PHF14: variants seen among roughly 807,000 people sequenced by gnomAD.
The protein encoded by PHF14 is PHD finger protein 14.
Under a neutral mutation model 117.9 loss-of-function variants are expected in PHF14, and 55 were observed. That is an observed-to-expected ratio of 0.47 (90% CI 0.38 to 0.58). PHF14 has a LOEUF of 0.58. Ranked by LOEUF, PHF14 falls within the 20% of genes least tolerant of loss-of-function variation. PHF14 has a pLI of 0.00. For missense variants in PHF14, 978 were observed against 1,122.2 expected (o/e 0.87, Z 1.84); for synonymous variants, 409 against 368.6 (o/e 1.11, Z -1.26).
At chr7:11,060,971 T>A (rs1016927334) in intron 14 of PHF14, among the ~76,000 whole-genome samples, 3 of 152,172 alleles carry the variant, frequency 2.0e-5, no homozygotes, top group Non-Finnish European at 4.4e-5. Context: ...AATGTAATTC[T>A]GTTTAGAATT....
rs942086810 is a variant in PHF14, at chr7:11,090,587, G to A, written c.2655-20763G>A. On this transcript the variant is annotated intron_variant, in intron 16 of 17. Coordinates refer to ENST00000634607, the MANE Select transcript of PHF14 (RefSeq NM_001007157.2). ...GAGTTTCATGTAGAGCATTGAGCAC[G>A]TTGACTGAAGATTTGACTTTTTCCA... Among the ~76,000 whole-genome samples the A allele has an allele frequency of 6.3e-4, 96 of 152,148 alleles. 1 individual carries two copies. Among genetic ancestry groups the A allele is most frequent in the Admixed American group, 6.2e-3 (94 of 15,280 alleles).
chr7:11,077,597 C>CT (rs1448216452), intron 16 of PHF14, among the ~76,000 whole-genome samples: 3 of 64,848 alleles, frequency 4.6e-5, no homozygotes, highest in Non-Finnish European at 7.2e-5. Context: ...GAGACTCTGT[C>CT]TTAAAAAAAA....
intron 5 of PHF14, among the ~76,000 whole-genome samples, chr7:11,019,114 C>T (rs1783635470): frequency 1.3e-5 from 2 of 151,996 alleles, no homozygotes; most frequent in South Asian, 2.1e-4. Context: ...ATCTTTCTAA[C>T]GTATTGTTAA....
Position 10,974,730 on chromosome 7 carries a change from C to G in PHF14, c.2-105C>G, listed in dbSNP as rs534439983. On this transcript the variant is annotated intron_variant, in intron 1 of 17. Coordinates refer to ENST00000634607, the MANE Select transcript of PHF14 (RefSeq NM_001007157.2). ...CCCTTTTGCTGAGAACTCAGTTAGA[C>G]AAAAATTCCTTGTGCGAGGTCATCT... 4 of 666,430 alleles carry G rather than the reference C, an allele frequency of 6.0e-6. No homozygotes were observed. The Admixed American group carries it at 1.2e-4, about 20-fold the overall frequency. The allele number at this position is 666,430 out of a possible 1,614,324, so 41.3% of individuals were successfully genotyped here. A position where few individuals can be genotyped will look rare whatever the true frequency, so the allele number is the denominator to read the frequency against.
In PHF14 at chr7:10,983,006, C is replaced by G. The variant is rs752099791; in HGVS notation, c.747C>G (p.Asp249Glu). The G allele has an allele frequency of 3.8e-6, 6 of 1,582,446 alleles. No homozygotes were observed. Among genetic ancestry groups the G allele is most frequent in the Non-Finnish European group, 5.1e-6 (6 of 1,166,240 alleles). ...DEDEGSGSDE[D>E]ENDEGNDEDH... ...ATGAGGGAAGCGGGAGTGATGAAGA[C>G]GAGAATGATGAAGGCAATGATGAAG... The change falls in exon 3 of 18, where the codon GAC (aspartate) becomes GAG (glutamate). Residue 249 changes from aspartate to glutamate, a missense_variant. This residue lies in a region of PHF14 where 414 missense variants were observed against 376.4 expected (regional missense o/e 1.10). Coordinates refer to ENST00000634607, the MANE Select transcript of PHF14 (RefSeq NM_001007157.2).
intron 16 of PHF14, among the ~76,000 whole-genome samples, chr7:11,088,403 A>ACAC (rs1562460110): frequency 1.5e-4 from 23 of 150,976 alleles, no homozygotes; most frequent in African/African-American, 4.6e-4. Flanking sequence ...CATACACACA[A>ACAC]ACACACACAC....
Position 11,047,540 on chromosome 7 carries a change from A to G in PHF14, c.2313-4072A>G, listed in dbSNP as rs992029811. ...GCCAGACGCAGTGGCTCATGTCTGTAATCCCAGCACTTTGGGAGGCTGAGG... is the reference window on the plus strand; with the variant it reads ...GCCAGACGCAGTGGCTCATGTCTGTGATCCCAGCACTTTGGGAGGCTGAGG... On this transcript the variant is annotated intron_variant, in intron 13 of 17. Transcript: ENST00000634607. 7.9e-5 allele frequency among the ~76,000 whole-genome samples: 12 copies of G among 151,398 alleles called. 1 individual carries two copies. The highest frequency in any genetic ancestry group is 2.0e-4 in the Admixed American group (3 of 15,228).
At chr7:10,998,505 A>T (rs1042044538) in intron 4 of PHF14, among the ~76,000 whole-genome samples, 1 of 152,214 alleles carries the variant, frequency 6.6e-6, no homozygotes, top group Non-Finnish European at 1.5e-5. Context: ...GGTAATGAAT[A>T]TAAAGAGCTC....
At chr7:11,000,739 T>A (rs888402014) in intron 4 of PHF14, among the ~76,000 whole-genome samples, 1 of 152,178 alleles carries the variant, frequency 6.6e-6, no homozygotes, top group Admixed American at 6.5e-5. Flanking sequence ...TTTTAAGAGT[T>A]CCTTGTATAT....
Position 11,122,352 on chromosome 7 carries a change from T to TACACACACACACAC in PHF14, c.2772+10905_2772+10918dup, listed in dbSNP as rs747467173. ...CTTTTTATATATATATATATATATA[T>TACACACACACACAC]ACACACACACACACACACACACACA... is the stretch of plus-strand genomic sequence containing the variant. On this transcript the variant is annotated intron_variant, in intron 17 of 17. Coordinates refer to ENST00000634607, the MANE Select transcript of PHF14 (RefSeq NM_001007157.2). 6.3e-3 allele frequency among the ~76,000 whole-genome samples: 415 copies of TACACACACACACAC among 65,650 alleles called. 28 individuals are homozygous for TACACACACACACAC. The highest frequency in any genetic ancestry group is 0.052 in the Admixed American group (294 of 5,646). 43.1% of individuals were successfully genotyped at this position (65,650 alleles called of 152,430 possible). A position where few individuals can be genotyped will look rare whatever the true frequency, so the allele number is the denominator to read the frequency against.
chr7:11,096,486 C>G (rs1786871653), intron 16 of PHF14, among the ~76,000 whole-genome samples: 1 of 152,046 alleles, frequency 6.6e-6, no homozygotes, highest in Non-Finnish European at 1.5e-5. Flanking sequence ...TAATACAGAC[C>G]TGACAGTTCC....
intron 16 of PHF14, among the ~76,000 whole-genome samples, chr7:11,088,900 A>T (rs543960017): frequency 6.6e-6 from 1 of 152,182 alleles, no homozygotes; most frequent in East Asian, 1.9e-4. Flanking sequence ...TCATAAGTAT[A>T]TGCTACTAAA....
chr7:11,078,061 CTG>C (rs1785933787), intron 16 of PHF14, among the ~76,000 whole-genome samples: 1 of 152,096 alleles, frequency 6.6e-6, no homozygotes, highest in Admixed American at 6.6e-5. Flanking sequence ...TTAGTTCACA[CTG>C]TGGTATTTGA....
Position 11,037,011 on chromosome 7 carries a change from C to T in PHF14, c.1900C>T (p.Gln634Ter). The change falls in exon 10 of 18, where the codon CAG (glutamine) becomes TAG (stop). Residue 634 changes from glutamine (Q) to a stop codon, truncating the protein, a stop_gained. Coordinates refer to ENST00000634607, the MANE Select transcript of PHF14 (RefSeq NM_001007157.2). LOFTEE classifies it high-confidence loss of function. The part of the protein sequence containing the change: ...FERNMRMIQI[Q>*]ENMAEQKNIK... ...GAGAAATATGCGCATGATTCAAATTCAGGAAAATATGGCTGAACAAAAGAA... is the reference window on the plus strand; with the variant it reads ...GAGAAATATGCGCATGATTCAAATTTAGGAAAATATGGCTGAACAAAAGAA... The T allele has an allele frequency of 6.6e-7, 1 of 1,514,904 alleles. No individual in the cohort carries two copies. Among genetic ancestry groups the T allele is most frequent in the East Asian group, 2.3e-5 (1 of 42,902 alleles). 93.8% of individuals were successfully genotyped at this position (1,514,904 alleles called of 1,614,324 possible).
chr7:11,024,927 A>G (rs1453853262), intron 6 of PHF14, among the ~76,000 whole-genome samples: 4 of 152,252 alleles, frequency 2.6e-5, no homozygotes, highest in Non-Finnish European at 4.4e-5. Context: ...GCTGCCATAC[A>G]TAGTGATTCC....
In PHF14 at chr7:11,142,866, A is replaced by T. The variant is rs116290698; in HGVS notation, c.2773-26550A>T. The stretch of plus-strand genomic sequence containing the variant: ...AGTATACATTGATAAAACTCCGTTA[A>T]TGACTTAATGGTTAATTGGCTAATA... On this transcript the variant is annotated intron_variant, in intron 17 of 17. Coordinates refer to ENST00000634607, the MANE Select transcript of PHF14 (RefSeq NM_001007157.2). 5.7e-3 allele frequency among the ~76,000 whole-genome samples: 870 copies of T among 152,268 alleles called. 6 individuals carry two copies. The highest frequency in any genetic ancestry group is 0.02 in the African/African-American group (831 of 41,556).
At chr7:11,159,838 A>G (rs941410095) in intron 17 of PHF14, among the ~76,000 whole-genome samples, 5 of 152,224 alleles carry the variant, frequency 3.3e-5, no homozygotes, top group Admixed American at 6.5e-5. Flanking sequence ...AGATGAAAAG[A>G]TATTCCTTTT....
In PHF14 at chr7:11,068,828, G is replaced by A. The variant is rs377179495; in HGVS notation, c.2654+6743G>A. Among the ~76,000 whole-genome samples the A allele has an allele frequency of 2.0e-4, 30 of 152,196 alleles. No homozygotes were observed. The South Asian group carries it at 2.3e-3, about 12-fold the overall frequency. ...AGGGGGACATTAACATTTTAACCATGTTGCATCTTTCAATTTATGATCATG... is the reference window on the plus strand; with the variant it reads ...AGGGGGACATTAACATTTTAACCATATTGCATCTTTCAATTTATGATCATG... On this transcript the variant is annotated intron_variant, in intron 16 of 17. Coordinates refer to ENST00000634607, the MANE Select transcript of PHF14 (RefSeq NM_001007157.2).
At chr7:11,002,434 TTTTA>T (rs1316258216) in intron 4 of PHF14, among the ~76,000 whole-genome samples, 1 of 143,488 alleles carries the variant, frequency 7.0e-6, no homozygotes, top group Non-Finnish European at 1.6e-5. Flanking sequence ...AGACTTTTTA[TTTTA>T]TTTATTTATT....
Sources: allele counts gnomAD v4.1 joint callset (sites outside exome capture counted in the v4.1 genomes callset), GRCh38; gene constraint gnomAD v4.1.1; regional missense constraint gnomAD v4.1.1; transcripts MANE v1.5; gene names NCBI Gene and HGNC (gene_info 2026-07-23, HGNC 2026-07-21).